PHF21B: variants seen among roughly 807,000 people sequenced by gnomAD.
PHF21B encodes the protein PHD finger protein 21B.
In PHF21B, 22 loss-of-function variants were observed where a neutral mutation model predicts 62.2. That is an observed-to-expected ratio of 0.35 (90% confidence interval 0.25 to 0.51). PHF21B has a LOEUF of 0.51. Among genes scored for constraint, PHF21B ranks in the 20% least tolerant of loss-of-function variants. The pLI, the probability that PHF21B is intolerant of heterozygous loss-of-function variation, is 0.97. For synonymous variants in PHF21B, 341 were observed against 314.7 expected, an observed-to-expected ratio of 1.08 and a Z score of -0.88; for missense variants, 701 against 707.9, an observed-to-expected ratio of 0.99 and a Z score of 0.11.
intron 2 of PHF21B, among the ~76,000 whole-genome samples, chr22:45,004,237 A>C (rs2073272323): frequency 6.6e-6 from 1 of 152,256 alleles, no homozygotes; most frequent in Admixed American, 6.5e-5. Context: ...GTCTATGTAA[A>C]ATATATCTCA....
intron 5 of PHF21B, among the ~76,000 whole-genome samples, chr22:44,904,619 A>G (rs2071217670): frequency 8.4e-6 from 1 of 119,666 alleles, no homozygotes; most frequent in Non-Finnish European, 1.7e-5. Flanking sequence ...ACATGAGCAG[A>G]GCATCGGCAG....
At chr22:44,889,587 G>A (rs1387009596) in intron 9 of PHF21B, among the ~76,000 whole-genome samples, 173 bp downstream of exon 9, 3 of 152,218 alleles carry the variant, frequency 2.0e-5, no homozygotes, top group Non-Finnish European at 4.4e-5. Context: ...CTGCCTGGCC[G>A]GCTGGAAAGC....
At chr22:45,006,488 G>T (rs891123621) in intron 2 of PHF21B, among the ~76,000 whole-genome samples, 15 of 152,110 alleles carry the variant, frequency 9.9e-5, no homozygotes, top group Non-Finnish European at 1.9e-4. Flanking sequence ...CGAAGCTGCC[G>T]CAACCTTCAA....
At chr22:44,885,768 C>G in intron 11 of PHF21B, 95 bp downstream of exon 11, 2 of 1,303,856 alleles carry the variant, frequency 1.5e-6, no homozygotes, top group Non-Finnish European at 2.2e-6. Flanking sequence ...GGGAATGGAC[C>G]CACCTGTCCT....
At chr22:44,909,608 C>A (rs368688434) in intron 5 of PHF21B, among the ~76,000 whole-genome samples, 4 of 152,384 alleles carry the variant, frequency 2.6e-5, no homozygotes, top group South Asian at 2.1e-4. Flanking sequence ...TAAAGCTCCA[C>A]TTTGTCAGCC....
chr22:44,996,513 C>T (rs1317643838), intron 2 of PHF21B, among the ~76,000 whole-genome samples: 1 of 152,000 alleles, frequency 6.6e-6, no homozygotes, highest in African/African-American at 2.4e-5. Context: ...ACATTCTGCC[C>T]CATGAAAGGG....
intron 2 of PHF21B, among the ~76,000 whole-genome samples, chr22:44,945,668 C>T (rs2072053333): frequency 1.3e-5 from 2 of 151,880 alleles, no homozygotes; most frequent in Admixed American, 1.3e-4. Context: ...CCAGGAACGC[C>T]ATCTTCCAGC....
In PHF21B at chr22:45,008,002, T is replaced by G. The variant is rs1398385295; in HGVS notation, c.120+543A>C. On this transcript the variant is annotated intron_variant, in intron 2 of 12. Transcript: ENST00000313237. ...CCGGAGCCCAAAGTTGGAGCAGAAC[T>G]GGGGAGTCCCGGGGGCGCGTTTCTT... 2.0e-5 allele frequency among the ~76,000 whole-genome samples: 3 copies of G among 146,388 alleles called. No individual in the cohort carries two copies. In the East Asian group the frequency reaches 6.3e-4, roughly 31 times the overall value.
chr22:44,916,641 G>A lies in PHF21B; in HGVS notation c.214-11C>T, dbSNP rs375361381. On this transcript the variant is annotated splice_polypyrimidine_tract_variant and intron_variant, in intron 3 of 12. Transcript: ENST00000313237. The stretch of plus-strand genomic sequence containing the variant: ...AGTCTTTGGCCTAACCTGGGAAGAA[G>A]GGACAGGTATGTGGTCAGACAGGCA... 1.6e-5 allele frequency: 25 copies of A among 1,598,780 alleles called. No individual in the cohort carries two copies. The highest frequency in any genetic ancestry group is 3.3e-4 in the Middle Eastern group (2 of 6,064).
At chr22:44,933,486 C>T (rs893829266) in intron 2 of PHF21B, 10 of 985,326 alleles carry the variant, frequency 1.0e-5, no homozygotes, top group Non-Finnish European at 1.2e-5. Context: ...GTGCTGGGTC[C>T]CTTGTGCACA....
intron 2 of PHF21B, among the ~76,000 whole-genome samples, chr22:44,923,218 A>G (rs1211768135): frequency 6.6e-6 from 1 of 152,174 alleles, no homozygotes; most frequent in Non-Finnish European, 1.5e-5. Context: ...CAAAGCCCAA[A>G]AAGGTAATTA....
intron 2 of PHF21B, among the ~76,000 whole-genome samples, chr22:44,992,361 C>T (rs2073055208): frequency 6.6e-6 from 1 of 152,366 alleles, no homozygotes; most frequent in Admixed American, 6.5e-5. Context: ...CGTGGACGCA[C>T]TCAATGCCAG....
intron 2 of PHF21B, among the ~76,000 whole-genome samples, chr22:44,964,476 C>T (rs1041784830): frequency 6.6e-6 from 1 of 151,404 alleles, no homozygotes; most frequent in Non-Finnish European, 1.5e-5. Context: ...ACTCCCAAAC[C>T]TCCGATCTTC....
intron 2 of PHF21B, chr22:44,933,560 C>T (rs1338037424): frequency 1.0e-6 from 1 of 984,448 alleles, no homozygotes. Flanking sequence ...ACGTGCTGCC[C>T]GCAACTCAAC....
chr22:44,945,680 C>T (rs927420764), intron 2 of PHF21B, among the ~76,000 whole-genome samples: 2 of 150,826 alleles, frequency 1.3e-5, no homozygotes, highest in South Asian at 2.1e-4. Flanking sequence ...TCTTCCAGCA[C>T]CTGACCAGTC....
At chr22:44,929,505 G>A (rs746438480) in intron 2 of PHF21B, among the ~76,000 whole-genome samples, 10 of 152,202 alleles carry the variant, frequency 6.6e-5, no homozygotes, top group East Asian at 3.9e-4. Flanking sequence ...GCCCACGTGC[G>A]TTTACCACCA....
intron 2 of PHF21B, among the ~76,000 whole-genome samples, chr22:44,945,985 C>T (rs1003039799): frequency 6.6e-6 from 1 of 152,198 alleles, no homozygotes; most frequent in African/African-American, 2.4e-5. Flanking sequence ...AAGTCACCCA[C>T]TTACTCCCCA....
chr22:44,924,480 G>A (rs773874158), intron 2 of PHF21B, among the ~76,000 whole-genome samples: 6 of 152,176 alleles, frequency 3.9e-5, no homozygotes, highest in Admixed American at 6.5e-5. Context: ...TGGGGCCTCC[G>A]GGAGGTGATC....
intron 5 of PHF21B, among the ~76,000 whole-genome samples, chr22:44,911,314 T>G (rs1601590843): frequency 1.3e-5 from 2 of 152,044 alleles, no homozygotes; most frequent in East Asian, 3.9e-4. Flanking sequence ...TTTGCATAAG[T>G]AACGAGGAGT....
Sources: gnomAD v4.1 joint callset for allele counts (sites outside exome capture counted in the v4.1 genomes callset) on GRCh38, gnomAD v4.1.1 for gene constraint, MANE v1.5 for transcripts, NCBI Gene and HGNC (gene_info 2026-07-23, HGNC 2026-07-21) for gene names.